ARHGAP10: variants seen among roughly 807,000 people sequenced by gnomAD.
The protein encoded by ARHGAP10 is Rho GTPase activating protein 10, also known as rho GTPase-activating protein 10.
Under a neutral mutation model 108.6 loss-of-function variants are expected in ARHGAP10, and 87 were observed. The ratio of observed to expected loss-of-function variants is 0.80; its 90% CI spans 0.67 to 0.96. ARHGAP10 has a LOEUF of 0.96. Ranked by LOEUF, ARHGAP10 falls within the 40% of genes least tolerant of loss-of-function variation. ARHGAP10 has a pLI of 0.00. For synonymous variants in ARHGAP10, 347 were observed against 341.1 expected, an observed-to-expected ratio of 1.02 and a Z score of -0.19; for missense variants, 939 against 954.5, an observed-to-expected ratio of 0.98 and a Z score of 0.21.
chr4:147,964,270 G>T lies in ARHGAP10; in HGVS notation c.1451-754G>T, dbSNP rs147680878. Among the ~76,000 whole-genome samples, 365 of 152,264 alleles carry T rather than the reference G, an allele frequency of 2.4e-3. 2 individuals carry two copies. Among genetic ancestry groups the T allele is most frequent in the African/African-American group, 8.4e-3 (349 of 41,552 alleles). ...AGCAACTAGGGACAGCCCTTGTGCT[G>T]CAGTGCCCACTGAAATAATTTAAAC... On this transcript the variant is annotated intron_variant, in intron 16 of 22. Coordinates refer to ENST00000336498, the MANE Select transcript of ARHGAP10 (RefSeq NM_024605.4).
intron 4 of ARHGAP10, among the ~76,000 whole-genome samples, chr4:147,857,163 C>T (rs545112385): frequency 8.5e-5 from 13 of 152,254 alleles, no homozygotes; most frequent in African/African-American, 2.6e-4. Flanking sequence ...CCATTTTAAA[C>T]GAATTCCACG....
intron 3 of ARHGAP10, among the ~76,000 whole-genome samples, chr4:147,829,606 A>G (rs1476155089): frequency 6.6e-6 from 1 of 151,720 alleles, no homozygotes; most frequent in Non-Finnish European, 1.5e-5. Context: ...CAACTGCTCT[A>G]CTCACTTCTG....
At chr4:147,787,430 TG>T (rs1393035243) in intron 1 of ARHGAP10, among the ~76,000 whole-genome samples, 1 of 129,050 alleles carries the variant, frequency 7.7e-6, no homozygotes, top group African/African-American at 2.5e-5. Flanking sequence ...ATCACTCTCT[TG>T]GCTGAGTGGA....
intron 18 of ARHGAP10, among the ~76,000 whole-genome samples, chr4:147,973,696 C>T (rs1216128799): frequency 2.0e-5 from 3 of 152,148 alleles, no homozygotes; most frequent in African/African-American, 7.2e-5. Flanking sequence ...TCACTACCCT[C>T]CCCAGCCTCT....
At chr4:147,857,774 G>C in intron 5 of ARHGAP10, 120 bp downstream of exon 5, 1 of 875,242 alleles carries the variant, frequency 1.1e-6, no homozygotes, top group South Asian at 3.4e-5. Context: ...AACAAAAAGT[G>C]AACAGGTATT....
At chr4:147,955,492 G>C (rs775601960) in intron 16 of ARHGAP10, 118 bp downstream of exon 16, 2 of 860,022 alleles carry the variant, frequency 2.3e-6, no homozygotes, top group South Asian at 1.7e-5. Flanking sequence ...AATAGAAATC[G>C]CTTTAAATGA....
intron 1 of ARHGAP10, among the ~76,000 whole-genome samples, chr4:147,819,307 TA>T (rs1000885781): frequency 6.6e-6 from 1 of 152,102 alleles, no homozygotes; most frequent in Non-Finnish European, 1.5e-5. Flanking sequence ...TAGCAATATA[TA>T]AAAAATACAT....
At chr4:148,002,862 C>T (rs1334462805) in intron 18 of ARHGAP10, among the ~76,000 whole-genome samples, 1 of 152,038 alleles carries the variant, frequency 6.6e-6, no homozygotes, top group Non-Finnish European at 1.5e-5. Flanking sequence ...TTCAAAAAAC[C>T]AGCTCCTGGA....
chr4:148,008,828 G>A (rs1741055217), intron 18 of ARHGAP10, among the ~76,000 whole-genome samples: 1 of 152,008 alleles, frequency 6.6e-6, no homozygotes, highest in Admixed American at 6.6e-5. Context: ...GTTTTCCAGA[G>A]GCGATGATAT....
intron 1 of ARHGAP10, among the ~76,000 whole-genome samples, chr4:147,762,520 T>TTATTTATTTTTA (rs1265303325): frequency 0.015 from 261 of 17,612 alleles, 3 homozygotes; most frequent in South Asian, 0.1. Flanking sequence ...ATTTATTTAT[T>TTATTTATTTTTA]TTTATTTATT....
chr4:148,070,570 G>C lies in ARHGAP10; in HGVS notation c.2273-1423G>C, dbSNP rs149711304. ...AACTCAATTCGCTGAGTTGCAATTAGCATTCAAAGAATAATACTTTTCTAC... is the reference window on the plus strand; with the variant it reads ...AACTCAATTCGCTGAGTTGCAATTACCATTCAAAGAATAATACTTTTCTAC... On this transcript the variant is annotated intron_variant, in intron 22 of 22. Coordinates refer to ENST00000336498, the MANE Select transcript of ARHGAP10 (RefSeq NM_024605.4). Among the ~76,000 whole-genome samples, 398 of 152,246 alleles carry C rather than the reference G, an allele frequency of 2.6e-3. 3 individuals carry two copies. Among genetic ancestry groups the C allele is most frequent in the African/African-American group, 9.2e-3 (384 of 41,526 alleles).
intron 8 of ARHGAP10, among the ~76,000 whole-genome samples, chr4:147,876,923 G>A (rs983905474): frequency 1.3e-5 from 2 of 152,154 alleles, no homozygotes; most frequent in African/African-American, 4.8e-5. Context: ...TGTTCCCTAG[G>A]TCATACAACT....
rs145347045 is a variant in ARHGAP10, at chr4:147,832,707, A to G, written c.312+9750A>G. Among the ~76,000 whole-genome samples the G allele has an allele frequency of 8.1e-3, 1,231 of 151,568 alleles. 10 individuals carry two copies. Among genetic ancestry groups the G allele is most frequent in the African/African-American group, 0.028 (1,172 of 41,336 alleles). On this transcript the variant is annotated intron_variant, in intron 3 of 22. Coordinates refer to ENST00000336498, the MANE Select transcript of ARHGAP10 (RefSeq NM_024605.4). ...GAGGGTGGAGTTTCTACATCACTAA[A>G]TAAGGTTGTGACAGAGATGAAAATA...
intron 19 of ARHGAP10, among the ~76,000 whole-genome samples, chr4:148,026,170 T>C (rs1741758497): frequency 6.6e-6 from 1 of 152,224 alleles, no homozygotes; most frequent in Non-Finnish European, 1.5e-5. Flanking sequence ...TGGTATGTTA[T>C]TTCTTCTTCT....
rs193009137 is a variant in ARHGAP10, at chr4:148,042,278, T to C, written c.1868-4614T>C. 4.6e-5 allele frequency among the ~76,000 whole-genome samples: 7 copies of C among 152,360 alleles called. No homozygotes were observed. In the East Asian group the frequency reaches 1.2e-3, roughly 25 times the overall value. ...AGTTCTAATGACTGTCATAACTGAA[T>C]ATCTTTTGAAGCTGTTCTCCAGATC... On this transcript the variant is annotated intron_variant, in intron 19 of 22. Coordinates refer to ENST00000336498, the MANE Select transcript of ARHGAP10 (RefSeq NM_024605.4).
chr4:147,922,363 C>T (rs970890914), intron 13 of ARHGAP10, among the ~76,000 whole-genome samples: 1 of 151,448 alleles, frequency 6.6e-6, no homozygotes, highest in Non-Finnish European at 1.5e-5. Context: ...TGGAAGGATT[C>T]TTAACCTCTC....
intron 19 of ARHGAP10, 41 bp downstream of exon 19, chr4:148,023,454 G>C: frequency 6.3e-7 from 1 of 1,593,674 alleles, no homozygotes; most frequent in South Asian, 1.1e-5. Flanking sequence ...AGCATGTTGA[G>C]AGTATGGCGT....
chr4:147,735,175 A>G (rs1323144102), intron 1 of ARHGAP10, among the ~76,000 whole-genome samples: 1 of 152,228 alleles, frequency 6.6e-6, no homozygotes, highest in Non-Finnish European at 1.5e-5. Context: ...GGAATTAGAT[A>G]CGGATTTATA....
intron 18 of ARHGAP10, among the ~76,000 whole-genome samples, chr4:148,010,587 C>T (rs1467571650): frequency 6.6e-6 from 1 of 152,016 alleles, no homozygotes; most frequent in African/African-American, 2.4e-5. Flanking sequence ...AGACTAAGTT[C>T]CTTTATATCA....
Sources: allele counts gnomAD v4.1 joint callset (sites outside exome capture counted in the v4.1 genomes callset), GRCh38; gene constraint gnomAD v4.1.1; transcripts MANE v1.5; gene names NCBI Gene and HGNC (gene_info 2026-07-23, HGNC 2026-07-21).